LTBP1: variants seen among roughly 807,000 people sequenced by gnomAD.
The protein encoded by LTBP1 is latent transforming growth factor beta binding protein 1, also known as latent-transforming growth factor beta-binding protein 1.
In LTBP1, 129 loss-of-function variants were observed where a neutral mutation model predicts 207.6. That is an observed-to-expected ratio of 0.62 (90% CI 0.54 to 0.72). The LOEUF is 0.72. Among genes scored for constraint, LTBP1 ranks in the 30% least tolerant of loss-of-function variants. The probability of loss-of-function intolerance (pLI) is 0.00; values close to 1 mark genes in which losing one functional copy is unlikely to be tolerated. For missense variants in LTBP1, 2,281 were observed against 2,217.2 expected (o/e 1.03, Z -0.58); for synonymous variants, 963 against 833.7 (o/e 1.16, Z -2.67).
chr2:33,050,370 G>C (rs574841736), intron 3 of LTBP1, among the ~76,000 whole-genome samples: 44 of 152,128 alleles, frequency 2.9e-4, no homozygotes, highest in Non-Finnish European at 5.4e-4. Flanking sequence ...ACAGGTAGAG[G>C]AACTTCTATT....
chr2:33,184,759 C>G (rs2087007649), intron 5 of LTBP1, among the ~76,000 whole-genome samples: 1 of 149,358 alleles, frequency 6.7e-6, no homozygotes, highest in Admixed American at 6.8e-5. Flanking sequence ...AAATCTGTCC[C>G]TTCCCTCATT....
intron 3 of LTBP1, among the ~76,000 whole-genome samples, chr2:33,102,280 G>A (rs2079782501): frequency 6.6e-6 from 1 of 152,112 alleles, no homozygotes; most frequent in Non-Finnish European, 1.5e-5. Context: ...TTCTGTTGGG[G>A]TGGGGGGCTG....
intron 17 of LTBP1, 111 bp from the exon 18 acceptor site, chr2:33,275,690 A>G: frequency 4.2e-6 from 6 of 1,427,090 alleles, no homozygotes; most frequent in Non-Finnish European, 9.8e-7. Flanking sequence ...ATCTCAAAAA[A>G]AAAAAGAAAT....
chr2:33,047,716 G>A (rs1467867732), intron 3 of LTBP1, among the ~76,000 whole-genome samples: 1 of 152,172 alleles, frequency 6.6e-6, no homozygotes, highest in African/African-American at 2.4e-5. Flanking sequence ...ACAGTGGGGT[G>A]TTAAAGTCTC....
At chr2:33,030,459 T>TA (rs920732532) in intron 3 of LTBP1, among the ~76,000 whole-genome samples, 6 of 151,966 alleles carry the variant, frequency 3.9e-5, no homozygotes, top group Non-Finnish European at 7.4e-5. Flanking sequence ...TTGAAGGAGC[T>TA]AAAAAAAATT....
At position 33,223,752 on chromosome 2, in the gene LTBP1, G is replaced by A. The variant is rs950390523; in HGVS notation, c.1876+1601G>A. ...GCCCCTCAGACTGATTTGGGGTTTG[G>A]GTGTTCAGTGTTCATTATTGTCTTT... is the stretch of plus-strand genomic sequence containing the variant. On this transcript the variant is annotated intron_variant, in intron 9 of 33. Coordinates refer to ENST00000404816, the MANE Select transcript of LTBP1 (RefSeq NM_206943.4). Among the ~76,000 whole-genome samples the A allele has an allele frequency of 1.2e-4, 18 of 152,190 alleles. No individual in the cohort carries two copies. In the East Asian group the frequency reaches 3.3e-3, roughly 28 times the overall value.
At chr2:33,103,556 TC>T (rs1422154344) in intron 3 of LTBP1, among the ~76,000 whole-genome samples, 2 of 151,086 alleles carry the variant, frequency 1.3e-5, no homozygotes, top group Non-Finnish European at 2.9e-5. Context: ...ATGGATGGGG[TC>T]ATGGACCATA....
chr2:33,369,957 C>T (rs2150180389), intron 31 of LTBP1, among the ~76,000 whole-genome samples: 1 of 152,306 alleles, frequency 6.6e-6, no homozygotes, highest in East Asian at 1.9e-4. Flanking sequence ...TAAGAGGAGC[C>T]CCAGGGCATC....
intron 5 of LTBP1, among the ~76,000 whole-genome samples, chr2:33,156,623 T>TA (rs2084000315): frequency 6.6e-6 from 1 of 152,238 alleles, no homozygotes; most frequent in Non-Finnish European, 1.5e-5. Flanking sequence ...TTATTATTGT[T>TA]ACTGTTAATT....
intron 3 of LTBP1, among the ~76,000 whole-genome samples, chr2:33,023,614 A>T: frequency 6.6e-6 from 1 of 152,150 alleles, no homozygotes; most frequent in Non-Finnish European, 1.5e-5. Flanking sequence ...ATGAGAAGAG[A>T]TGGCCTTGGG....
At chr2:33,290,306 A>C (rs1160261787) in intron 19 of LTBP1, among the ~76,000 whole-genome samples, 1 of 152,188 alleles carries the variant, frequency 6.6e-6, no homozygotes, top group Non-Finnish European at 1.5e-5. Flanking sequence ...GCAGGGACAA[A>C]CCATTTTCAA....
intron 10 of LTBP1, among the ~76,000 whole-genome samples, chr2:33,244,714 C>A (rs1163971335): frequency 6.6e-6 from 1 of 151,910 alleles, no homozygotes; most frequent in East Asian, 1.9e-4. Flanking sequence ...GTTCAGCCTG[C>A]TGAGTAGCAT....
intron 5 of LTBP1, among the ~76,000 whole-genome samples, chr2:33,137,002 A>G (rs1049909619): frequency 3.3e-5 from 5 of 152,192 alleles, no homozygotes; most frequent in African/African-American, 7.2e-5. Flanking sequence ...GAAACATTTC[A>G]TTTATATTCT....
At chr2:33,013,975 G>A (rs910577802) in intron 2 of LTBP1, among the ~76,000 whole-genome samples, 2 of 152,126 alleles carry the variant, frequency 1.3e-5, no homozygotes, top group Non-Finnish European at 2.9e-5. Flanking sequence ...GGTTGGTGAA[G>A]TTGTTACTCG....
chr2:33,188,451 TG>T, intron 6 of LTBP1, 125 bp from the exon 7 acceptor site: 1 of 493,796 alleles, frequency 2.0e-6, no homozygotes, highest in Non-Finnish European at 3.4e-6. Flanking sequence ...AAAAGAATTT[TG>T]ATGGCTATGC....
At chr2:33,203,670 C>T (rs374148723) in intron 7 of LTBP1, among the ~76,000 whole-genome samples, 14 of 152,002 alleles carry the variant, frequency 9.2e-5, no homozygotes, top group Admixed American at 2.6e-4. Flanking sequence ...TTTATCATGA[C>T]GTGGAATATC....
At chr2:33,054,926 A>G (rs534898228) in intron 3 of LTBP1, among the ~76,000 whole-genome samples, 1 of 152,300 alleles carries the variant, frequency 6.6e-6, no homozygotes, top group South Asian at 2.1e-4. Flanking sequence ...CATAGTGGAC[A>G]TGGACGAGGG....
intron 5 of LTBP1, among the ~76,000 whole-genome samples, chr2:33,175,905 A>G (rs2085990883): frequency 8.1e-6 from 1 of 123,812 alleles, no homozygotes; most frequent in Non-Finnish European, 1.8e-5. Context: ...GATCGCAAGA[A>G]CAGAAAACCA....
chr2:33,094,681 A>G (rs537613694), intron 3 of LTBP1, among the ~76,000 whole-genome samples: 22 of 152,302 alleles, frequency 1.4e-4, no homozygotes, highest in Admixed American at 8.5e-4. Context: ...TAATAATGCT[A>G]TTTTATTATT....
Sources: allele counts gnomAD v4.1 joint callset (sites outside exome capture counted in the v4.1 genomes callset), GRCh38; gene constraint gnomAD v4.1.1; transcripts MANE v1.5; gene names NCBI Gene and HGNC (gene_info 2026-07-23, HGNC 2026-07-21).